The following UBE2E2 variants were observed in gnomAD, a reference collection of about 807,000 sequenced individuals.
The protein encoded by UBE2E2 is ubiquitin-conjugating enzyme E2 E2.
Under a neutral mutation model 24.7 loss-of-function variants are expected in UBE2E2, and 6 were observed. The ratio of observed to expected loss-of-function variants is 0.24; its 90% CI spans 0.13 to 0.48. The LOEUF is 0.48. Among genes scored for constraint, UBE2E2 ranks in the 20% least tolerant of loss-of-function variants. The pLI, the probability that UBE2E2 is intolerant of heterozygous loss-of-function variation, is 0.99. For synonymous variants in UBE2E2, 104 were observed against 83.6 expected (o/e 1.24, Z -1.33); for missense variants, 169 against 245.0 (o/e 0.69, Z 2.07).
At chr3:23,492,361 C>G (rs1374169687) in intron 3 of UBE2E2, among the ~76,000 whole-genome samples, 1 of 152,148 alleles carries the variant, frequency 6.6e-6, no homozygotes, top group Non-Finnish European at 1.5e-5. Flanking sequence ...CCCTCATCTT[C>G]TTCTCACTAC....
At chr3:23,427,014 G>C (rs6800930) in intron 3 of UBE2E2, among the ~76,000 whole-genome samples, 47,214 of 151,862 alleles carry the variant, frequency 0.31, 7,628 homozygotes, top group South Asian at 0.44. Flanking sequence ...TTGTTATTAA[G>C]TACTTGTGTT....
chr3:23,509,400 TATA>T (rs1461133431), intron 4 of UBE2E2, among the ~76,000 whole-genome samples: 4 of 152,156 alleles, frequency 2.6e-5, no homozygotes, highest in African/African-American at 9.7e-5. Flanking sequence ...TGAAAAAAAG[TATA>T]ATATTCTCCA....
intron 3 of UBE2E2, among the ~76,000 whole-genome samples, chr3:23,237,661 A>G (rs1044812978): frequency 3.9e-5 from 6 of 152,104 alleles, no homozygotes; most frequent in African/African-American, 1.4e-4. Flanking sequence ...CTTAAAATGA[A>G]ATCTTTAATT....
chr3:23,508,333 A>G (rs1378309492), intron 4 of UBE2E2, among the ~76,000 whole-genome samples: 1 of 152,252 alleles, frequency 6.6e-6, no homozygotes, highest in Admixed American at 6.5e-5. Flanking sequence ...TTTTCAGGGC[A>G]AAGAATACCA....
At chr3:23,575,979 G>A (rs995882674) in intron 5 of UBE2E2, among the ~76,000 whole-genome samples, 5 of 152,162 alleles carry the variant, frequency 3.3e-5, no homozygotes, top group African/African-American at 9.7e-5. Context: ...AAGAAAATGC[G>A]AGTTGCAGAA....
chr3:23,448,109 A>G (rs1419978805), intron 3 of UBE2E2, among the ~76,000 whole-genome samples: 1 of 152,176 alleles, frequency 6.6e-6, no homozygotes, highest in Non-Finnish European at 1.5e-5. Context: ...CCAGTTGTGA[A>G]GAAGTTTTTA....
At chr3:23,448,501 A>G (rs1698482578) in intron 3 of UBE2E2, among the ~76,000 whole-genome samples, 1 of 152,218 alleles carries the variant, frequency 6.6e-6, no homozygotes, top group Non-Finnish European at 1.5e-5. Flanking sequence ...ATGACCTAAT[A>G]TGAGGATTCT....
chr3:23,268,946 A>G (rs1270270725), intron 3 of UBE2E2, among the ~76,000 whole-genome samples: 1 of 152,170 alleles, frequency 6.6e-6, no homozygotes, highest in Non-Finnish European at 1.5e-5. Flanking sequence ...AAAACAAGCA[A>G]TGGGGAAAGG....
intron 4 of UBE2E2, among the ~76,000 whole-genome samples, chr3:23,517,644 C>A (rs1694771646): frequency 6.6e-6 from 1 of 152,018 alleles, no homozygotes; most frequent in East Asian, 1.9e-4. Context: ...AATTTGTTCC[C>A]TTTGTAAATA....
At chr3:23,495,815 TGGG>T (rs1699586478) in intron 3 of UBE2E2, among the ~76,000 whole-genome samples, 1 of 152,170 alleles carries the variant, frequency 6.6e-6, no homozygotes, top group Admixed American at 6.5e-5. Flanking sequence ...AATGGGGTGA[TGGG>T]GGAGGAATGC....
chr3:23,406,351 A>T (rs1178322513), intron 3 of UBE2E2, among the ~76,000 whole-genome samples: 1 of 152,198 alleles, frequency 6.6e-6, no homozygotes, highest in African/African-American at 2.4e-5. Flanking sequence ...TGGCTTTCAC[A>T]TACTACTTGT....
chr3:23,388,744 C>T (rs1330836554), intron 3 of UBE2E2, among the ~76,000 whole-genome samples: 4 of 152,044 alleles, frequency 2.6e-5, no homozygotes, highest in Admixed American at 6.6e-5. Context: ...CAGTGGCTCA[C>T]GCCTGTAATC....
chr3:23,420,967 C>G (rs915359306), intron 3 of UBE2E2, among the ~76,000 whole-genome samples: 14 of 152,284 alleles, frequency 9.2e-5, no homozygotes, highest in African/African-American at 3.4e-4. Flanking sequence ...GAGACAATAT[C>G]TTTATTCCTT....
At chr3:23,237,695 A>G (rs1697149966) in intron 3 of UBE2E2, among the ~76,000 whole-genome samples, 1 of 152,140 alleles carries the variant, frequency 6.6e-6, no homozygotes, top group African/African-American at 2.4e-5. Flanking sequence ...TATACTTAGT[A>G]TGAGGCACTT....
At chr3:23,400,567 A>G (rs889099819) in intron 3 of UBE2E2, among the ~76,000 whole-genome samples, 1 of 151,242 alleles carries the variant, frequency 6.6e-6, no homozygotes, top group Non-Finnish European at 1.5e-5. Context: ...CTCAAAGTTC[A>G]TCCTAAGATC....
chr3:23,470,537 T>C (rs966186983), intron 3 of UBE2E2, among the ~76,000 whole-genome samples: 5 of 152,204 alleles, frequency 3.3e-5, no homozygotes, highest in African/African-American at 4.8e-5. Context: ...ATTTAAAATA[T>C]CTAAGACAAA....
At chr3:23,293,776 G>A (rs533771867) in intron 3 of UBE2E2, among the ~76,000 whole-genome samples, 1 of 152,204 alleles carries the variant, frequency 6.6e-6, no homozygotes, top group East Asian at 1.9e-4. Context: ...TAAGGTAGGA[G>A]ATATACTTTC....
intron 3 of UBE2E2, among the ~76,000 whole-genome samples, chr3:23,358,452 C>G (rs1046713892): frequency 2.6e-5 from 4 of 152,012 alleles, no homozygotes; most frequent in Non-Finnish European, 2.9e-5. Flanking sequence ...ATAAAATGTT[C>G]TATATAACAA....
intron 3 of UBE2E2, among the ~76,000 whole-genome samples, chr3:23,480,678 A>C (rs570051352): frequency 6.6e-6 from 1 of 152,286 alleles, no homozygotes; most frequent in South Asian, 2.1e-4. Context: ...GAAAGGCATA[A>C]AGGTGGAAAA....
Sources: gnomAD v4.1 joint callset for allele counts (sites outside exome capture counted in the v4.1 genomes callset) on GRCh38, gnomAD v4.1.1 for gene constraint, MANE v1.5 for transcripts, NCBI Gene and HGNC (gene_info 2026-07-23, HGNC 2026-07-21) for gene names.